Variants in RPS11 observed in about 807,000 individuals in gnomAD.
RPS11 encodes the protein small ribosomal subunit protein uS17.
For synonymous variants in RPS11, 107 were observed against 78.0 expected (o/e 1.37, Z -1.96); for missense variants, 127 against 211.4 (o/e 0.60, Z 2.48).
At chr19:49,498,137 G>A (rs1601173650) in intron 4 of RPS11, 91 bp downstream of exon 4, 1 of 1,406,570 alleles carries the variant, frequency 7.1e-7, no homozygotes, top group East Asian at 2.3e-5. Context: ...CTGAGGGAGG[G>A]AAAGACTGAG....
rs145559297 is a variant in RPS11, at chr19:49,499,524, C to G, written c.366C>G (p.Ile122Met). 2 of 1,613,396 alleles carry G rather than the reference C, an allele frequency of 1.2e-6. No individual in the cohort carries two copies. Among genetic ancestry groups the G allele is most frequent in the East Asian group, 2.2e-5 (1 of 44,878 alleles). The change falls in exon 5 of 5, where the codon ATC becomes ATG. Residue 122 changes from isoleucine to methionine, a missense_variant. Physicochemically the swap from Ile to Met is conservative, Grantham distance 10 (BLOSUM62 1). Transcript: ENST00000270625. ...CCTGCCTCCACAGGGACGTCCAGAT[C>G]GGTGACATCGTCACAGTGGGCGAGT... Reference protein sequence around the residue: ...HLSPCFRDVQIGDIVTVGECR... With the variant: ...HLSPCFRDVQMGDIVTVGECR...
intron 2 of RPS11, 61 bp from the exon 3 acceptor site, chr19:49,497,459 C>G: frequency 1.0e-5 from 16 of 1,599,872 alleles, no homozygotes; most frequent in Non-Finnish European, 1.4e-5. Context: ...GGCCACGCCC[C>G]TGGCTCTTTT....
chr19:49,497,012 A>G (rs1222335996), intron 1 of RPS11, among the ~76,000 whole-genome samples, 182 bp from the exon 2 acceptor site: 2 of 152,078 alleles, frequency 1.3e-5, no homozygotes, highest in African/African-American at 4.8e-5. Context: ...AGTATGAATT[A>G]CAGGTAAGGT....
Sources: allele counts gnomAD v4.1 joint callset (sites outside exome capture counted in the v4.1 genomes callset), GRCh38; gene constraint gnomAD v4.1.1; transcripts MANE v1.5; gene names NCBI Gene and HGNC (gene_info 2026-07-23, HGNC 2026-07-21).